The following MGRN1 variants were observed in gnomAD, a reference collection of about 807,000 sequenced individuals.
MGRN1 encodes the protein mahogunin ring finger 1.
MGRN1 carries 29 observed loss-of-function variants against 69.2 expected under a neutral mutation model. That is an observed-to-expected ratio of 0.42 (90% confidence interval 0.31 to 0.57). The LOEUF (loss-of-function observed/expected upper bound fraction) is 0.57, where lower values mean the gene tolerates loss of function less well. Among genes scored for constraint, MGRN1 ranks in the 20% least tolerant of loss-of-function variants. MGRN1 has a pLI of 0.15. For synonymous variants in MGRN1, 470 were observed against 344.2 expected, an observed-to-expected ratio of 1.37 and a Z score of -4.04; for missense variants, 998 against 796.2, an observed-to-expected ratio of 1.25 and a Z score of -3.05.
chr16:4,664,408 T>G, intron 5 of MGRN1: 1 of 433,390 alleles, frequency 2.3e-6, no homozygotes, highest in Non-Finnish European at 4.2e-6. Flanking sequence ...GGTTTCCGTT[T>G]GGGGTGATGA....
At chr16:4,668,460 CAT>C (rs966919413) in intron 8 of MGRN1, 148 bp downstream of exon 8, 22 of 799,612 alleles carry the variant, frequency 2.8e-5, no homozygotes, top group African/African-American at 8.6e-5. Context: ...TTCACTTGCA[CAT>C]ATATACGGAC....
intron 5 of MGRN1, among the ~76,000 whole-genome samples, chr16:4,660,980 T>C (rs974160921): frequency 1.2e-4 from 19 of 152,172 alleles, no homozygotes; most frequent in Middle Eastern, 3.2e-3. Context: ...CTGCAGCCTT[T>C]TATTTTTCCC....
At position 4,680,102 on chromosome 16, in the gene MGRN1, G is replaced by A. The variant is rs1567233329; in HGVS notation, c.1131+5G>A. 5 of 1,613,844 alleles carry A rather than the reference G, an allele frequency of 3.1e-6. No individual in the cohort carries two copies. Among genetic ancestry groups the A allele is most frequent in the Non-Finnish European group, 4.2e-6 (5 of 1,179,806 alleles). The stretch of plus-strand genomic sequence containing the variant: ...AAGAAACCTAAAAGGGAAACAGTAA[G>A]TGTCTGGTCCTCCGGCTACGTTTTT... On this transcript the variant is annotated splice_donor_5th_base_variant and intron_variant, in intron 12 of 16. Coordinates refer to ENST00000262370, the MANE Select transcript of MGRN1 (RefSeq NM_015246.4).
intron 16 of MGRN1, chr16:4,686,801 A>C: frequency 9.1e-6 from 9 of 988,310 alleles, no homozygotes; most frequent in Non-Finnish European, 1.1e-5. Context: ...ACACGTTAGG[A>C]CGCTCAGCAG....
chr16:4,643,152 C>T (rs913036521), intron 1 of MGRN1, among the ~76,000 whole-genome samples: 32 of 151,120 alleles, frequency 2.1e-4, no homozygotes, highest in African/African-American at 5.8e-4. Context: ...GATGGGATTT[C>T]GCCATGTTGG....
intron 7 of MGRN1, 57 bp from the exon 8 acceptor site, chr16:4,668,208 G>A: frequency 6.4e-7 from 1 of 1,564,682 alleles, no homozygotes; most frequent in South Asian, 1.1e-5. Context: ...GGCCACGCAG[G>A]GGTGCTCAGA....
intron 16 of MGRN1, 43 bp from the exon 17 acceptor site, chr16:4,688,753 A>C: frequency 6.6e-7 from 1 of 1,511,680 alleles, no homozygotes; most frequent in Admixed American, 2.1e-5. Flanking sequence ...GCGTGGCACC[A>C]GGCATCCGAG....
At chr16:4,670,077 T>G (rs1054164966) in intron 8 of MGRN1, among the ~76,000 whole-genome samples, 19 of 152,190 alleles carry the variant, frequency 1.2e-4, no homozygotes, top group East Asian at 9.6e-4. Context: ...TTTATTTTAT[T>G]GAGACAAGAC....
intron 1 of MGRN1, among the ~76,000 whole-genome samples, chr16:4,647,259 CTG>C (rs768223530): frequency 9.2e-5 from 14 of 152,222 alleles, no homozygotes; most frequent in Non-Finnish European, 1.8e-4. Context: ...TGCTCCATGA[CTG>C]GGGCTTGAGG....
chr16:4,636,187 G>C (rs1423911478), intron 1 of MGRN1, among the ~76,000 whole-genome samples: 1 of 152,110 alleles, frequency 6.6e-6, no homozygotes, highest in East Asian at 1.9e-4. Context: ...GAGAAAAATA[G>C]AGCAGTACCG....
intron 9 of MGRN1, among the ~76,000 whole-genome samples, chr16:4,672,234 A>G (rs2078955085): frequency 2.0e-5 from 3 of 151,796 alleles, no homozygotes; most frequent in African/African-American, 2.4e-5. Context: ...TTTAGTAGAG[A>G]TGGGGTTTCA....
chr16:4,677,339 C>G, intron 10 of MGRN1, 124 bp from the exon 11 acceptor site: 1 of 526,362 alleles, frequency 1.9e-6, no homozygotes, highest in Non-Finnish European at 3.1e-6. Context: ...CCGTTGTGAT[C>G]TGGAAGCGGG....
chr16:4,681,823 G>A (rs571617284), intron 13 of MGRN1, 47 bp downstream of exon 13: 78 of 1,549,956 alleles, frequency 5.0e-5, no homozygotes, highest in African/African-American at 3.8e-4. Context: ...GTGGTGGCGC[G>A]CGTGCGGAGC....
intron 1 of MGRN1, chr16:4,649,558 C>T (rs1401080833): frequency 1.3e-5 from 2 of 152,340 alleles, no homozygotes; most frequent in African/African-American, 4.8e-5. Context: ...AGTCTGCGTC[C>T]AAACCTCCCT....
At chr16:4,663,757 C>T (rs528819765) in intron 5 of MGRN1, among the ~76,000 whole-genome samples, 4 of 152,322 alleles carry the variant, frequency 2.6e-5, no homozygotes, top group East Asian at 3.9e-4. Context: ...GAGAGTAGGG[C>T]GAGACCCACA....
intron 9 of MGRN1, 137 bp downstream of exon 9, chr16:4,671,596 T>C: frequency 1.4e-6 from 1 of 732,416 alleles, no homozygotes; most frequent in Non-Finnish European, 2.3e-6. Flanking sequence ...CATTTTTCCT[T>C]AATTTTTTTT....
chr16:4,675,449 T>C (rs2450390), intron 10 of MGRN1, among the ~76,000 whole-genome samples: 75,724 of 151,972 alleles, frequency 0.5, 20,026 homozygotes, highest in East Asian at 0.65. Context: ...TTCAATAAAT[T>C]TTTAGCATAA....
rs1384121836 is a variant in MGRN1 at position 4,688,771 on chromosome 16, C to T, written c.1619-25C>T. Reference sequence around the variant, plus strand: ...TGGCACCAGGCATCCGAGTGTGACCCTCCTCCCTCTGCTCCCACCTGCAGG... The same window carrying T: ...TGGCACCAGGCATCCGAGTGTGACCTTCCTCCCTCTGCTCCCACCTGCAGG... On this transcript the variant is annotated intron_variant, in intron 16 of 16. Coordinates refer to ENST00000262370, the MANE Select transcript of MGRN1 (RefSeq NM_015246.4). The T allele has an allele frequency of 7.2e-6, 11 of 1,524,912 alleles. No individual in the cohort carries two copies. The African/African-American group carries it at 8.3e-5, about 11-fold the overall frequency. The allele number at this position is 1,524,912 out of a possible 1,614,324, so 94.5% of individuals were successfully genotyped here. A position where few individuals can be genotyped will look rare whatever the true frequency, so the allele number is the denominator to read the frequency against.
chr16:4,684,215 G>A (rs1283265830), intron 16 of MGRN1, among the ~76,000 whole-genome samples: 1 of 152,256 alleles, frequency 6.6e-6, no homozygotes, highest in East Asian at 1.9e-4. Flanking sequence ...GGTGAGAGAC[G>A]CGAGAGAGGC....
Sources: allele counts gnomAD v4.1 joint callset (sites outside exome capture counted in the v4.1 genomes callset), GRCh38; gene constraint gnomAD v4.1.1; transcripts MANE v1.5; gene names NCBI Gene and HGNC (gene_info 2026-07-23, HGNC 2026-07-21).